CCDC141: variants seen among roughly 807,000 people sequenced by gnomAD.
CCDC141 encodes the protein coiled-coil domain containing 141.
CCDC141 carries 168 observed loss-of-function variants against 181.0 expected under a neutral mutation model. That is an observed-to-expected ratio of 0.93 (90% CI 0.82 to 1.05). The LOEUF (loss-of-function observed/expected upper bound fraction) is 1.05, where lower values mean the gene tolerates loss of function less well. CCDC141 is among the 50% of genes least tolerant of loss of function. CCDC141 has a pLI of 0.00. For missense variants in CCDC141, 1,902 were observed against 1,788.5 expected (o/e 1.06, Z -1.14); for synonymous variants, 666 against 642.3 (o/e 1.04, Z -0.56).
In CCDC141 at chr2:178,868,010, G is replaced by A; in HGVS notation, c.2574+16C>T. 6.3e-7 allele frequency: 1 copy of A among 1,592,192 alleles called. No individual in the cohort carries two copies. Among genetic ancestry groups the A allele is most frequent in the Non-Finnish European group, 8.6e-7 (1 of 1,162,824 alleles). ...GCTAGAACTGAGTCTAAATGATAGTGTTATTAGATGCTTACAGGCCGCTGC... is the reference window on the plus strand; with the variant it reads ...GCTAGAACTGAGTCTAAATGATAGTATTATTAGATGCTTACAGGCCGCTGC... On this transcript the variant is annotated intron_variant, in intron 16 of 23. Coordinates refer to ENST00000443758, the MANE Select transcript of CCDC141 (RefSeq NM_173648.4).
chr2:178,901,055 C>T (rs975251513), intron 8 of CCDC141, among the ~76,000 whole-genome samples: 12 of 152,050 alleles, frequency 7.9e-5, no homozygotes. Flanking sequence ...GGCTTTGGGT[C>T]AAGGCATCTC....
At chr2:179,027,011 G>T (rs182144043) in intron 2 of CCDC141, among the ~76,000 whole-genome samples, 53 of 152,302 alleles carry the variant, frequency 3.5e-4, no homozygotes, top group African/African-American at 9.9e-4. Context: ...AATTGCTTTT[G>T]ATTTTACAGG....
chr2:179,033,725 A>G (rs1322247676), intron 2 of CCDC141, among the ~76,000 whole-genome samples: 1 of 152,088 alleles, frequency 6.6e-6, no homozygotes, highest in African/African-American at 2.4e-5. Flanking sequence ...TCCATGAAAA[A>G]ATTTTGTTTG....
In CCDC141 at chr2:178,892,536, C is replaced by T. The variant is rs114001247; in HGVS notation, c.1266-3868G>A. ...TCCTTCTTAGTGACACCCTAATCTGCGGGTTACATTCAGCCCTGATTCCAT... is the reference window on the plus strand; with the variant it reads ...TCCTTCTTAGTGACACCCTAATCTGTGGGTTACATTCAGCCCTGATTCCAT... On this transcript the variant is annotated intron_variant, in intron 8 of 23. Transcript: ENST00000443758. Among the ~76,000 whole-genome samples the T allele has an allele frequency of 5.2e-3, 795 of 152,230 alleles. 9 individuals carry two copies. The highest frequency in any genetic ancestry group is 0.018 in the African/African-American group (765 of 41,536).
intron 6 of CCDC141, among the ~76,000 whole-genome samples, chr2:178,924,120 G>A (rs139212735): frequency 1.1e-4 from 17 of 152,258 alleles, no homozygotes; most frequent in African/African-American, 3.6e-4. Context: ...AACATCAGGT[G>A]GTAAATTTTC....
intron 6 of CCDC141, among the ~76,000 whole-genome samples, chr2:178,925,049 A>G (rs1478689906): frequency 6.6e-6 from 1 of 152,172 alleles, no homozygotes; most frequent in Non-Finnish European, 1.5e-5. Flanking sequence ...TTCAGTGACA[A>G]ATTAGCTGTG....
rs1239837080 is a variant in CCDC141 at position 178,855,532 on chromosome 2, T to G, written c.2875A>C (p.Arg959=). 6.3e-7 allele frequency: 1 copy of G among 1,583,382 alleles called. No individual in the cohort carries two copies. The highest frequency in any genetic ancestry group is 1.4e-5 in the African/African-American group (1 of 73,126). Residue 959 remains arginine (R), a synonymous_variant, in exon 19 of 24, where the codon AGG becomes CGG. Coordinates refer to ENST00000443758, the MANE Select transcript of CCDC141 (RefSeq NM_173648.4). ...TTATTACTAACTTTTTCCATTTTCC[T>G]TTTCAAAGCCTGTGTGAAAAACAAA... The part of the protein sequence containing the change: ...MYAEKMQALK[R]KMEKVSNKTS...
chr2:178,868,314 C>T, intron 15 of CCDC141, 109 bp from the exon 16 acceptor site: 1 of 877,988 alleles, frequency 1.1e-6, no homozygotes, highest in East Asian at 2.6e-5. Context: ...TGCTGCCAAG[C>T]CCATCTTTAA....
chr2:178,912,759 T>C (rs1195711148), intron 7 of CCDC141, among the ~76,000 whole-genome samples: 1 of 152,180 alleles, frequency 6.6e-6, no homozygotes, highest in African/African-American at 2.4e-5. Flanking sequence ...TGCTTCCTGA[T>C]CTCCCCACCT....
intron 1 of CCDC141, among the ~76,000 whole-genome samples, chr2:179,049,636 T>C (rs1415475943): frequency 1.3e-5 from 2 of 151,488 alleles, no homozygotes; most frequent in Non-Finnish European, 2.9e-5. Context: ...GCTTTCTGGC[T>C]GACTGAAAGG....
At chr2:178,934,409 T>C (rs1179361138) in intron 6 of CCDC141, among the ~76,000 whole-genome samples, 1 of 152,206 alleles carries the variant, frequency 6.6e-6, no homozygotes, top group African/African-American at 2.4e-5. Flanking sequence ...TCAAGTTGAT[T>C]TATAATACAA....
At chr2:178,974,049 TTTACATAGGAAAGATTGAGTCCTTTAATC>T (rs1275274525) in intron 4 of CCDC141, among the ~76,000 whole-genome samples, 79 of 152,292 alleles carry the variant, frequency 5.2e-4, no homozygotes, top group African/African-American at 1.6e-3. Context: ...CTCATAAGAA[TTTACATAGGAAAGATTGAGTCCTTTAATC>T]TTACATAGGA....
At position 178,845,735 on chromosome 2, in the gene CCDC141, T is replaced by C; in HGVS notation, c.3365A>G (p.Asp1122Gly). 6.3e-7 allele frequency: 1 copy of C among 1,593,610 alleles called. No homozygotes were observed. Among genetic ancestry groups the C allele is most frequent in the Non-Finnish European group, 8.6e-7 (1 of 1,161,492 alleles). ...CAAATTCGGATTCATCTTTAAAACA[T>C]CTCCCTGCTGTACAAAGCAACAGTT... Reference protein sequence around the residue: ...TELEEKLKQGDVLKMNPNLED... With the variant: ...TELEEKLKQGGVLKMNPNLED... Residue 1122 changes from aspartate to glycine, a missense_variant, in exon 22 of 24, where the codon GAT (aspartate) becomes GGT (glycine). Coordinates refer to ENST00000443758, the MANE Select transcript of CCDC141 (RefSeq NM_173648.4).
intron 8 of CCDC141, among the ~76,000 whole-genome samples, chr2:178,895,772 C>A (rs535956964): frequency 6.6e-6 from 1 of 152,230 alleles, no homozygotes; most frequent in South Asian, 2.1e-4. Flanking sequence ...TCATCAAAGT[C>A]TTTTAAAAGC....
At position 178,872,124 on chromosome 2, in the gene CCDC141, T is replaced by G. The variant is rs769924254; in HGVS notation, c.2079+9A>C. The G allele has an allele frequency of 3.1e-6, 5 of 1,612,704 alleles. No homozygotes were observed. Among genetic ancestry groups the G allele is most frequent in the Non-Finnish European group, 4.2e-6 (5 of 1,179,510 alleles). On this transcript the variant is annotated intron_variant, in intron 13 of 23. Transcript: ENST00000443758. Reference sequence around the variant, plus strand: ...ATTCCTTTTCACATCCCATTGTTCCTTGCCTCACCTTTTTAAGTTGCTCTT... The same window carrying G: ...ATTCCTTTTCACATCCCATTGTTCCGTGCCTCACCTTTTTAAGTTGCTCTT...
rs768622792 is a variant in CCDC141, at chr2:178,837,299, T to C, written c.3920A>G (p.Glu1307Gly). The change falls in exon 23 of 24, where the codon GAA becomes GGA. Residue 1307 changes from glutamate to glycine, a missense_variant. Transcript: ENST00000443758. ...EPPLTSRGFV[E>G]KSTALHRISA... ...GATTCTGTGTAAGGCAGTACTCTTT[T>C]CCACGAATCCTCTGGAGGTTAGTGG... 2.2e-5 allele frequency: 36 copies of C among 1,614,110 alleles called. 1 individual carries two copies. In the South Asian group the frequency reaches 4.0e-4, roughly 18 times the overall value.
At chr2:178,952,829 C>T (rs1245465776) in intron 5 of CCDC141, among the ~76,000 whole-genome samples, 1 of 152,186 alleles carries the variant, frequency 6.6e-6, no homozygotes, top group Non-Finnish European at 1.5e-5. Flanking sequence ...CTTATTTGGC[C>T]TTATGCCAGC....
chr2:178,816,322 T>A, the CCDC141 span, among the ~76,000 whole-genome samples: 1 of 152,214 alleles, frequency 6.6e-6, no homozygotes, highest in Non-Finnish European at 1.5e-5. Context: ...GATTAACTTC[T>A]TTCACTTAGC....
intron 2 of CCDC141, among the ~76,000 whole-genome samples, chr2:178,997,313 A>G (rs1362683187): frequency 2.6e-5 from 4 of 152,130 alleles, no homozygotes; most frequent in African/African-American, 9.7e-5. Context: ...ATATGCTGTC[A>G]GCACTCAGGA....
Sources: gnomAD v4.1 joint callset for allele counts (sites outside exome capture counted in the v4.1 genomes callset) on GRCh38, gnomAD v4.1.1 for gene constraint, MANE v1.5 for transcripts, NCBI Gene and HGNC (gene_info 2026-07-23, HGNC 2026-07-21) for gene names.